Variants in PPP6R2 observed in about 807,000 individuals in gnomAD.
PPP6R2 encodes the protein protein phosphatase 6 regulatory subunit 2, also known as serine/threonine-protein phosphatase 6 regulatory subunit 2.
A neutral mutation model predicts 100.2 loss-of-function variants in PPP6R2; 62 were observed. The observed-to-expected ratio is 0.62, with a 90% CI of 0.50 to 0.76. PPP6R2 has a LOEUF of 0.76. PPP6R2 is among the 30% of genes least tolerant of loss of function. PPP6R2 has a pLI of 0.00. For missense variants in PPP6R2, 1,142 were observed against 1,276.3 expected (o/e 0.89, Z 1.60); for synonymous variants, 525 against 514.7 (o/e 1.02, Z -0.27).
chr22:50,340,049 GGTGTGGT>G (rs538482952), upstream of PPP6R2, among the ~76,000 whole-genome samples: 2,013 of 92,008 alleles, frequency 0.022, 26 homozygotes, highest in South Asian at 0.051. Flanking sequence ...GTGTGTTTAG[GGTGTGGT>G]GTGTGGTGTG....
At chr22:50,335,581 G>A in the PPP6R2 span, among the ~76,000 whole-genome samples, 6 of 151,246 alleles carry the variant, frequency 4.0e-5, no homozygotes, top group Non-Finnish European at 5.9e-5. Flanking sequence ...GTCCAATCTC[G>A]GCACACTGCA....
intron 13 of PPP6R2, 44 bp downstream of exon 13, chr22:50,435,125 G>T (rs777211160): frequency 6.9e-7 from 1 of 1,439,724 alleles, no homozygotes. Context: ...CGCGGGCACC[G>T]GGACCCCGAA....
intron 3 of PPP6R2, among the ~76,000 whole-genome samples, chr22:50,401,329 C>T (rs936675424): frequency 1.3e-5 from 2 of 151,062 alleles, no homozygotes; most frequent in African/African-American, 4.9e-5. Flanking sequence ...GCCTCAGCCT[C>T]CCGTGTAGCT....
chr22:50,427,438 T>G (rs1343412134), intron 10 of PPP6R2, among the ~76,000 whole-genome samples: 1 of 152,230 alleles, frequency 6.6e-6, no homozygotes, highest in Non-Finnish European at 1.5e-5. Flanking sequence ...GCAAAATTGC[T>G]GTTCAGATTT....
chr22:50,437,405 A>C, intron 15 of PPP6R2, 101 bp from the exon 16 acceptor site: 3 of 816,172 alleles, frequency 3.7e-6, no homozygotes, highest in Non-Finnish European at 6.1e-6. Flanking sequence ...GAAGCTCCCG[A>C]ACAACTAGAG....
intron 1 of PPP6R2, among the ~76,000 whole-genome samples, chr22:50,350,392 G>C (rs1190755198): frequency 6.6e-6 from 1 of 151,238 alleles, no homozygotes; most frequent in East Asian, 2.1e-4. Context: ...CACCATGCCT[G>C]GCTAATTTTT....
intron 4 of PPP6R2, among the ~76,000 whole-genome samples, chr22:50,411,862 G>A (rs889973861): frequency 8.6e-5 from 13 of 151,964 alleles, no homozygotes; most frequent in African/African-American, 3.1e-4. Flanking sequence ...TGGCTAACAC[G>A]GTGAAACTCT....
chr22:50,380,846 G>A (rs991186480), intron 2 of PPP6R2, among the ~76,000 whole-genome samples: 5 of 151,278 alleles, frequency 3.3e-5, no homozygotes, highest in Non-Finnish European at 5.9e-5. Flanking sequence ...AAAATTAGCC[G>A]GGCGTGGTGG....
chr22:50,376,676 G>A (rs958021613), intron 2 of PPP6R2, among the ~76,000 whole-genome samples: 2 of 151,722 alleles, frequency 1.3e-5, no homozygotes, highest in Non-Finnish European at 2.9e-5. Flanking sequence ...TGCCCACCTC[G>A]GCCTCCTAAA....
upstream of PPP6R2, among the ~76,000 whole-genome samples, chr22:50,339,753 TG>T (rs750358922): frequency 2.9e-4 from 32 of 111,710 alleles, no homozygotes; most frequent in African/African-American, 1.0e-3. Context: ...TAGTATGTGG[TG>T]GTGTGTGGTG....
chr22:50,434,842 G>C, intron 12 of PPP6R2, 124 bp from the exon 13 acceptor site: 1 of 818,120 alleles, frequency 1.2e-6, no homozygotes. Flanking sequence ...CGCGGACACT[G>C]GGCAGGGGCC....
chr22:50,338,758 G>A (rs2042333054), upstream of PPP6R2, among the ~76,000 whole-genome samples: 1 of 132,420 alleles, frequency 7.6e-6, no homozygotes, highest in Non-Finnish European at 1.6e-5. Flanking sequence ...GGTATGTGTG[G>A]TAGGTAGTGT....
chr22:50,339,878 G>GT (rs2042351872), upstream of PPP6R2, among the ~76,000 whole-genome samples: 1 of 109,326 alleles, frequency 9.1e-6, no homozygotes, highest in African/African-American at 3.4e-5. Context: ...TGTGTGGTGT[G>GT]GTGTGTGTGT....
upstream of PPP6R2, among the ~76,000 whole-genome samples, chr22:50,341,175 G>A (rs1310546747): frequency 1.3e-5 from 2 of 151,886 alleles, no homozygotes; most frequent in East Asian, 1.9e-4. Flanking sequence ...GCTTCCCAAA[G>A]TGCTGGGATT....
At chr22:50,432,629 G>A (rs531986135) in intron 12 of PPP6R2, among the ~76,000 whole-genome samples, 1 of 152,312 alleles carries the variant, frequency 6.6e-6, no homozygotes, top group South Asian at 2.1e-4. Context: ...TCCGCTGTCC[G>A]TTCCTGATCT....
At chr22:50,397,017 GT>G (rs1050617663) in intron 3 of PPP6R2, among the ~76,000 whole-genome samples, 9 of 152,308 alleles carry the variant, frequency 5.9e-5, no homozygotes, top group African/African-American at 1.9e-4. Flanking sequence ...GGCAAGGAGA[GT>G]GGGGAGGGGT....
intron 1 of PPP6R2, among the ~76,000 whole-genome samples, chr22:50,346,675 C>T (rs1400993319): frequency 1.4e-5 from 2 of 145,970 alleles, no homozygotes; most frequent in East Asian, 2.1e-4. Context: ...AAGTCATGCT[C>T]CTCCTGTCGG....
intron 2 of PPP6R2, among the ~76,000 whole-genome samples, chr22:50,373,278 G>T (rs12157310): frequency 7.3e-6 from 1 of 137,318 alleles, no homozygotes; most frequent in Non-Finnish European, 1.5e-5. Flanking sequence ...GTCTTGCTCA[G>T]TCGCCCAGGC....
chr22:50,371,975 T>C (rs2148524532), intron 1 of PPP6R2, 45 bp from the exon 2 acceptor site: 1 of 152,304 alleles, frequency 6.6e-6, no homozygotes. Context: ...AAGTTAACTT[T>C]ACCGAGGAAG....
Sources: allele counts gnomAD v4.1 joint callset (sites outside exome capture counted in the v4.1 genomes callset), GRCh38; gene constraint gnomAD v4.1.1; transcripts MANE v1.5; gene names NCBI Gene and HGNC (gene_info 2026-07-23, HGNC 2026-07-21).